Variants in SGIP1 observed in about 807,000 individuals in gnomAD.
SGIP1 encodes SH3-containing GRB2-like protein 3-interacting protein 1.
A neutral mutation model predicts 107.5 loss-of-function variants in SGIP1; 38 were observed. The ratio of observed to expected loss-of-function variants is 0.35; its 90% confidence interval spans 0.27 to 0.46. The LOEUF (loss-of-function observed/expected upper bound fraction) is 0.46, where lower values mean the gene tolerates loss of function less well. SGIP1 is among the 20% of genes least tolerant of loss of function. The pLI, the probability that SGIP1 is intolerant of heterozygous loss-of-function variation, is 1.00. For synonymous variants in SGIP1, 365 were observed against 366.1 expected (o/e 1.00, Z 0.03); for missense variants, 929 against 1,019.5 (o/e 0.91, Z 1.21).
intron 7 of SGIP1, chr1:66,660,172 A>C (rs1462863681): frequency 6.7e-6 from 1 of 149,460 alleles, no homozygotes; most frequent in East Asian, 2.4e-4. Flanking sequence ...AGAAAGAAAG[A>C]AAGAAAGAAA....
intron 4 of SGIP1, among the ~76,000 whole-genome samples, chr1:66,637,328 G>A (rs887362229): frequency 6.6e-6 from 1 of 152,010 alleles, no homozygotes; most frequent in Non-Finnish European, 1.5e-5. Context: ...TGAGCCAGAA[G>A]AATTCCATCC....
chr1:66,721,335 C>A (rs564855937), intron 19 of SGIP1, among the ~76,000 whole-genome samples: 13 of 152,340 alleles, frequency 8.5e-5, no homozygotes, highest in African/African-American at 3.1e-4. Context: ...AAATTTATCA[C>A]TGACTACTGA....
intron 21 of SGIP1, among the ~76,000 whole-genome samples, chr1:66,737,503 G>A (rs2150710339): frequency 6.6e-6 from 1 of 151,852 alleles, no homozygotes; most frequent in South Asian, 2.1e-4. Context: ...GACTAGCCTG[G>A]GCAACATAAT....
At chr1:66,634,537 C>G (rs1307002673) in intron 3 of SGIP1, among the ~76,000 whole-genome samples, 10 of 152,100 alleles carry the variant, frequency 6.6e-5, no homozygotes, top group Admixed American at 5.9e-4. Context: ...GGGACGCATC[C>G]CCCCAGGGCA....
rs1042959662 is a variant in SGIP1 at position 66,743,591 on chromosome 1, T to C, written c.*496T>C. 1 of 153,106 alleles carries C rather than the reference T, an allele frequency of 6.5e-6. No homozygotes were observed. The highest frequency in any genetic ancestry group is 2.4e-5 in the African/African-American group (1 of 41,472). 9.5% of individuals were successfully genotyped at this position (153,106 alleles called of 1,614,324 possible). A position where few individuals can be genotyped will look rare whatever the true frequency, so the allele number is the denominator to read the frequency against. Reference sequence around the variant, plus strand: ...AGAAAAAGAAACAAACTTACTTTTCTTCAATGCTTAGTATGTTTTACTCTA... The same window carrying C: ...AGAAAAAGAAACAAACTTACTTTTCCTCAATGCTTAGTATGTTTTACTCTA... On this transcript the variant is annotated 3_prime_UTR_variant, in exon 25 of 25. Coordinates refer to ENST00000371037, the MANE Select transcript of SGIP1 (RefSeq NM_032291.4).
At chr1:66,677,705 G>A (rs2085710745) in intron 13 of SGIP1, among the ~76,000 whole-genome samples, 2 of 152,204 alleles carry the variant, frequency 1.3e-5, no homozygotes, top group African/African-American at 4.8e-5. Flanking sequence ...GGTGGGTTGG[G>A]CTATTTGGAC....
intron 21 of SGIP1, among the ~76,000 whole-genome samples, chr1:66,738,239 A>G (rs958189996): frequency 2.6e-5 from 4 of 152,248 alleles, no homozygotes; most frequent in African/African-American, 7.2e-5. Flanking sequence ...TGTTTCTGCC[A>G]TAACCACTCC....
At chr1:66,678,895 T>C (rs1033012113) in intron 13 of SGIP1, among the ~76,000 whole-genome samples, 5 of 152,294 alleles carry the variant, frequency 3.3e-5, no homozygotes, top group Non-Finnish European at 4.4e-5. Flanking sequence ...GTGAAATTAG[T>C]GTGAACTCTT....
chr1:66,655,327 T>C (rs983674045), intron 7 of SGIP1, among the ~76,000 whole-genome samples: 5 of 152,132 alleles, frequency 3.3e-5, no homozygotes, highest in Admixed American at 1.3e-4. Context: ...AACAACTTCA[T>C]CTGTTTGCTC....
Position 66,719,344 on chromosome 1 carries a change from C to A in SGIP1, c.1681C>A (p.Pro561Thr). 1 of 1,613,572 alleles carries A rather than the reference C, an allele frequency of 6.2e-7. No individual in the cohort carries two copies. Among genetic ancestry groups the A allele is most frequent in the Non-Finnish European group, 8.5e-7 (1 of 1,179,716 alleles). Residue 561 changes from proline to threonine, a missense_variant, in exon 19 of 25, where the codon CCT becomes ACT. By Grantham distance (38) the Pro-to-Thr change is conservative (BLOSUM62 -1). This residue lies in a region of SGIP1 where 341 missense variants were observed against 430.9 expected (regional missense o/e 0.79). Transcript: ENST00000371037. ...AACCATGGGAGCTCAGGACACTCTC[C>A]CTGTTGCAGCAGCATTTACAGAAAC... ...PLTMGAQDTL[P>T]VAAAFTETVN... is the part of the protein sequence containing the mutation.
chr1:66,637,009 A>G (rs1558158859), intron 4 of SGIP1, among the ~76,000 whole-genome samples: 2 of 151,698 alleles, frequency 1.3e-5, no homozygotes, highest in Non-Finnish European at 1.5e-5. Context: ...TATAGAAGTT[A>G]CTTATGTTAA....
intron 7 of SGIP1, among the ~76,000 whole-genome samples, chr1:66,648,452 A>T (rs1409889526): frequency 6.6e-6 from 1 of 152,192 alleles, no homozygotes; most frequent in African/African-American, 2.4e-5. Context: ...GAACCATGGC[A>T]TGTCACCACC....
intron 1 of SGIP1, among the ~76,000 whole-genome samples, chr1:66,610,661 T>G (rs1276957278): frequency 6.6e-6 from 1 of 152,110 alleles, no homozygotes; most frequent in Non-Finnish European, 1.5e-5. Flanking sequence ...CTTTAAAGTC[T>G]TCTTCAACCA....
intron 1 of SGIP1, among the ~76,000 whole-genome samples, chr1:66,535,791 A>C (rs1208351380): frequency 2.0e-5 from 3 of 152,244 alleles, no homozygotes; most frequent in Admixed American, 2.0e-4. Flanking sequence ...ATAACAAGGC[A>C]AGACAGAGTG....
Position 66,630,905 on chromosome 1 carries a change from AGGG to A in SGIP1, c.75-2164_75-2162del, listed in dbSNP as rs1558134662. Among the ~76,000 whole-genome samples, 12 of 25,778 alleles carry A rather than the reference AGGG, an allele frequency of 4.7e-4. 1 individual carries two copies. The highest frequency in any genetic ancestry group is 6.0e-3 in the South Asian group (1 of 166). 16.9% of individuals were successfully genotyped at this position (25,778 alleles called of 152,430 possible). On this transcript the variant is annotated intron_variant, in intron 2 of 24. Transcript: ENST00000371037. ...AAAGAAAGAAAGAAAGAAAGAAAGA[AGGG>A]AGGGAGGGAGGGAGGAAGGAAGGAA...
Position 66,689,153 on chromosome 1 carries a change from T to G in SGIP1, c.1321T>G (p.Ser441Ala). ...GPGPGTTSGA[S>A]SPARPATPLV... ...AATGCTAGTTTGTTTTTCAGGTGCA[T>G]CATCCCCTGCTCGACCAGCCACTCC... is the stretch of plus-strand genomic sequence containing the variant. The change falls in exon 16 of 25, where the codon TCA becomes GCA. Residue 441 changes from serine to alanine, a missense_variant. This residue lies in a region of SGIP1 where 588 missense variants were observed against 588.6 expected (regional missense o/e 1.00). Transcript: ENST00000371037. The G allele has an allele frequency of 1.2e-6, 2 of 1,612,280 alleles. No individual in the cohort carries two copies. Among genetic ancestry groups the G allele is most frequent in the Non-Finnish European group, 1.7e-6 (2 of 1,179,094 alleles).
At chr1:66,574,899 T>A (rs2060856195) in intron 1 of SGIP1, among the ~76,000 whole-genome samples, 1 of 152,200 alleles carries the variant, frequency 6.6e-6, no homozygotes, top group Non-Finnish European at 1.5e-5. Flanking sequence ...CCTCTGATAT[T>A]TTGGAGCGTT....
At chr1:66,611,165 T>A (rs1293733935) in intron 1 of SGIP1, among the ~76,000 whole-genome samples, 1 of 152,188 alleles carries the variant, frequency 6.6e-6, no homozygotes, top group Non-Finnish European at 1.5e-5. Context: ...AACCAAAATA[T>A]TTAATGTGAT....
chr1:66,707,121 T>C (rs1383855720), intron 18 of SGIP1, among the ~76,000 whole-genome samples: 2 of 152,138 alleles, frequency 1.3e-5, no homozygotes, highest in African/African-American at 2.4e-5. Context: ...CACACAAATA[T>C]GTGTGCTGCA....
Sources: allele counts gnomAD v4.1 joint callset (sites outside exome capture counted in the v4.1 genomes callset), GRCh38; gene constraint gnomAD v4.1.1; regional missense constraint gnomAD v4.1.1; transcripts MANE v1.5; gene names NCBI Gene and HGNC (gene_info 2026-07-23, HGNC 2026-07-21).